INSYN2B: variants seen among roughly 807,000 people sequenced by gnomAD.
INSYN2B encodes protein INSYN2B.
Under a neutral mutation model 41.2 loss-of-function variants are expected in INSYN2B, and 16 were observed. The observed-to-expected ratio is 0.39, with a 90% CI of 0.26 to 0.59. The LOEUF (loss-of-function observed/expected upper bound fraction) is 0.59, where lower values mean the gene tolerates loss of function less well. Among genes scored for constraint, INSYN2B ranks in the 20% least tolerant of loss-of-function variants. INSYN2B has a pLI of 0.57. For synonymous variants in INSYN2B, 245 were observed against 244.4 expected, an observed-to-expected ratio of 1.00 and a Z score of -0.02; for missense variants, 608 against 646.4, an observed-to-expected ratio of 0.94 and a Z score of 0.64.
At chr5:169,938,896 C>CT (rs540935886) in intron 1 of INSYN2B, among the ~76,000 whole-genome samples, 77 of 145,008 alleles carry the variant, frequency 5.3e-4, no homozygotes, top group African/African-American at 1.7e-3. Context: ...ATTTTTCTTT[C>CT]TTTTTTTTCT....
intron 1 of INSYN2B, among the ~76,000 whole-genome samples, chr5:169,911,906 G>A (rs1450355576): frequency 6.6e-6 from 1 of 152,206 alleles, no homozygotes; most frequent in Non-Finnish European, 1.5e-5. Context: ...TTCACTACCA[G>A]AGTCTCATGG....
chr5:169,931,300 A>G lies in INSYN2B; in HGVS notation c.-918-46484T>C, dbSNP rs557239209. Among the ~76,000 whole-genome samples the G allele has an allele frequency of 3.3e-5, 5 of 152,352 alleles. No homozygotes were observed. In the South Asian group the frequency reaches 8.3e-4, roughly 25 times the overall value. On this transcript the variant is annotated intron_variant, in intron 1 of 3. Coordinates refer to ENST00000377365, the MANE Select transcript of INSYN2B (RefSeq NM_001129891.3). Reference sequence around the variant, plus strand: ...GCCCAGTTGCTGACAAAGCCATCAAAGTACAGGTCTTACTTCCAACAGTGG... The same window carrying G: ...GCCCAGTTGCTGACAAAGCCATCAAGGTACAGGTCTTACTTCCAACAGTGG...
At chr5:169,937,884 T>C (rs1167777650) in intron 1 of INSYN2B, among the ~76,000 whole-genome samples, 1 of 152,190 alleles carries the variant, frequency 6.6e-6, no homozygotes, top group African/African-American at 2.4e-5. Flanking sequence ...TGGGTCCCTT[T>C]CTCCATTCTG....
At chr5:169,934,257 G>A (rs1775885896) in intron 1 of INSYN2B, among the ~76,000 whole-genome samples, 1 of 152,166 alleles carries the variant, frequency 6.6e-6, no homozygotes, top group Non-Finnish European at 1.5e-5. Context: ...GGAACAAGAA[G>A]AGTCCCTTCT....
chr5:169,874,050 T>C (rs1023091633), intron 3 of INSYN2B, among the ~76,000 whole-genome samples: 1 of 151,822 alleles, frequency 6.6e-6, no homozygotes, highest in African/African-American at 2.4e-5. Flanking sequence ...GAATCTCCTT[T>C]ACAGAATCCA....
chr5:169,916,128 G>A (rs183440729), intron 1 of INSYN2B, among the ~76,000 whole-genome samples: 1 of 152,348 alleles, frequency 6.6e-6, no homozygotes, highest in Non-Finnish European at 1.5e-5. Context: ...AGGTCTTCCT[G>A]ATTCCCGGGA....
At position 169,947,378 on chromosome 5, in the gene INSYN2B, G is replaced by GT. The variant is rs1170124945; in HGVS notation, c.-919+32898dup. On this transcript the variant is annotated intron_variant, in intron 1 of 3. Transcript: ENST00000377365. Reference sequence around the variant, plus strand: ...CATTTGTTGATGGTGCCTAGGCTGAGTGCCAGGCACTGGGCTGCATGCTTT... The same window carrying GT: ...CATTTGTTGATGGTGCCTAGGCTGAGTTGCCAGGCACTGGGCTGCATGCTTT... 6.6e-5 allele frequency among the ~76,000 whole-genome samples: 10 copies of GT among 152,354 alleles called. No homozygotes were observed. In the South Asian group the frequency reaches 1.9e-3, roughly 28 times the overall value.
chr5:169,881,211 A>G (rs1241768207), intron 3 of INSYN2B, among the ~76,000 whole-genome samples, 157 bp downstream of exon 3: 1 of 152,236 alleles, frequency 6.6e-6, no homozygotes, highest in African/African-American at 2.4e-5. Context: ...CTAAGGAAAC[A>G]AAGCAATCCC....
chr5:169,904,122 A>T (rs957298022), intron 1 of INSYN2B, among the ~76,000 whole-genome samples: 1 of 131,290 alleles, frequency 7.6e-6, no homozygotes, highest in East Asian at 2.2e-4. Context: ...AGTTTAGGGG[A>T]GGAGAAGGTA....
At chr5:169,903,686 A>T (rs933290298) in intron 1 of INSYN2B, among the ~76,000 whole-genome samples, 6 of 152,066 alleles carry the variant, frequency 3.9e-5, no homozygotes, top group Non-Finnish European at 7.4e-5. Context: ...TAGAGGGTCG[A>T]ACTTACTCGG....
At chr5:169,867,235 C>G (rs749797991) in intron 3 of INSYN2B, among the ~76,000 whole-genome samples, 2 of 152,204 alleles carry the variant, frequency 1.3e-5, no homozygotes, top group African/African-American at 2.4e-5. Context: ...TCTTGACCCA[C>G]AATCAGATTA....
chr5:169,914,397 G>A (rs984480389), intron 1 of INSYN2B, among the ~76,000 whole-genome samples: 2 of 152,152 alleles, frequency 1.3e-5, no homozygotes, highest in South Asian at 2.1e-4. Flanking sequence ...CCTACTCTGA[G>A]CCAGGAACTG....
At chr5:169,961,041 C>T (rs1777066239) in intron 1 of INSYN2B, among the ~76,000 whole-genome samples, 1 of 152,194 alleles carries the variant, frequency 6.6e-6, no homozygotes, top group Non-Finnish European at 1.5e-5. Context: ...CTGTAACTAT[C>T]ATGGTAAACA....
intron 1 of INSYN2B, among the ~76,000 whole-genome samples, chr5:169,906,229 A>G (rs1020165557): frequency 5.9e-5 from 9 of 152,182 alleles, no homozygotes; most frequent in African/African-American, 2.2e-4. Context: ...CGTCAAACGC[A>G]AGCTTTACTG....
chr5:169,941,994 A>C (rs1407363846), intron 1 of INSYN2B, among the ~76,000 whole-genome samples: 4 of 152,268 alleles, frequency 2.6e-5, no homozygotes, highest in African/African-American at 9.6e-5. Flanking sequence ...TCAGTTTCAC[A>C]TCTGTTCTGT....
intron 1 of INSYN2B, among the ~76,000 whole-genome samples, chr5:169,903,096 CA>C (rs1022825066): frequency 1.2e-4 from 17 of 141,836 alleles, no homozygotes; most frequent in African/African-American, 1.0e-4. Context: ...GACTCCATCT[CA>C]AAAAAAAAAG....
rs1771316756 is a variant in INSYN2B, at chr5:169,863,252, T to C, written c.*1021A>G. 6.6e-6 allele frequency among the ~76,000 whole-genome samples: 1 copy of C among 152,200 alleles called. No homozygotes were observed. The highest frequency in any genetic ancestry group is 2.4e-5 in the African/African-American group (1 of 41,460). ...GCTAGTTTTTCAATCAGGTGACCAT[T>C]GTCTGGTCACCAGGAAGGGAGACTG... On this transcript the variant is annotated 3_prime_UTR_variant, in exon 4 of 4. Transcript: ENST00000377365.
chr5:169,980,153 A>G (rs2113781519), intron 1 of INSYN2B, 124 bp downstream of exon 1: 1 of 151,980 alleles, frequency 6.6e-6, no homozygotes, highest in South Asian at 2.1e-4. Flanking sequence ...CACACATACA[A>G]GCTCCCAGTC....
rs372818120 is a variant in INSYN2B, at chr5:169,868,121, A to G, written c.1422-3662T>C. 8.8e-4 allele frequency among the ~76,000 whole-genome samples: 134 copies of G among 152,324 alleles called. 1 individual carries two copies. Among genetic ancestry groups the G allele is most frequent in the African/African-American group, 3.0e-3 (124 of 41,570 alleles). ...TAGGAGTCTAAGATTTTCTTGTACA[A>G]AACATTCCATCCATCATCAGTCCAT... is the stretch of plus-strand genomic sequence containing the variant. On this transcript the variant is annotated intron_variant, in intron 3 of 3. Coordinates refer to ENST00000377365, the MANE Select transcript of INSYN2B (RefSeq NM_001129891.3).
Sources: allele counts gnomAD v4.1 joint callset (sites outside exome capture counted in the v4.1 genomes callset), GRCh38; gene constraint gnomAD v4.1.1; transcripts MANE v1.5; gene names NCBI Gene and HGNC (gene_info 2026-07-23, HGNC 2026-07-21).